KLF15: variants seen among roughly 807,000 people sequenced by gnomAD.
KLF15 encodes the protein Krueppel-like factor 15.
KLF15 carries 4 observed loss-of-function variants against 24.6 expected under a neutral mutation model. That is an observed-to-expected ratio of 0.16 (90% confidence interval 0.08 to 0.37). KLF15 has a LOEUF of 0.37. KLF15 is among the 10% of genes least tolerant of loss of function. The pLI is 1.00. For missense variants in KLF15, 496 were observed against 560.6 expected, an observed-to-expected ratio of 0.88 and a Z score of 1.16; for synonymous variants, 246 against 236.3, an observed-to-expected ratio of 1.04 and a Z score of -0.37.
chr3:126,345,203 C>T (rs957045162), intron 2 of KLF15, among the ~76,000 whole-genome samples: 10 of 152,206 alleles, frequency 6.6e-5, no homozygotes, highest in African/African-American at 2.4e-4. Context: ...ATTCTAGGCT[C>T]CTGTGGCATT....
the KLF15 span, among the ~76,000 whole-genome samples, chr3:126,304,206 C>T: frequency 1.5e-5 from 2 of 131,296 alleles, no homozygotes; most frequent in African/African-American, 5.1e-5. Context: ...TGTTCTGGTA[C>T]TCAGTTAAGT....
At position 126,342,881 on chromosome 3, in the gene KLF15, A is replaced by G. The variant is rs1322217556; in HGVS notation, c.*846T>C. ...AGCTAGTTCATTTATTAATTTCTAGACAAAATAAGGAATGCATTTCTAAAT... is the reference window on the plus strand; with the variant it reads ...AGCTAGTTCATTTATTAATTTCTAGGCAAAATAAGGAATGCATTTCTAAAT... On this transcript the variant is annotated 3_prime_UTR_variant, in exon 3 of 3. Transcript: ENST00000296233. 2.0e-5 allele frequency: 3 copies of G among 152,532 alleles called. No homozygotes were observed. The highest frequency in any genetic ancestry group is 4.4e-5 in the Non-Finnish European group (3 of 68,006). 9.4% of individuals were successfully genotyped at this position (152,532 alleles called of 1,614,324 possible). A position where few individuals can be genotyped will look rare whatever the true frequency, so the allele number is the denominator to read the frequency against.
chr3:126,346,429 A>G (rs986783881), intron 2 of KLF15, among the ~76,000 whole-genome samples: 1 of 152,160 alleles, frequency 6.6e-6, no homozygotes, highest in Admixed American at 6.5e-5. Flanking sequence ...CTGCCTTGAC[A>G]GTTCCCACCC....
At chr3:126,310,684 T>A in the KLF15 span, among the ~76,000 whole-genome samples, 2 of 152,142 alleles carry the variant, frequency 1.3e-5, no homozygotes. Flanking sequence ...CACATGGTCT[T>A]CCATCTGTGT....
At chr3:126,289,340 G>A in the KLF15 span, among the ~76,000 whole-genome samples, 1 of 152,202 alleles carries the variant, frequency 6.6e-6, no homozygotes, top group South Asian at 2.1e-4. Context: ...AATATTGCAA[G>A]AACTAAATGA....
chr3:126,314,498 C>A, the KLF15 span, among the ~76,000 whole-genome samples: 2 of 152,164 alleles, frequency 1.3e-5, no homozygotes, highest in African/African-American at 4.8e-5. Flanking sequence ...GGGCTCAGGG[C>A]TCCCACACAG....
At chr3:126,344,334 A>C (rs1576582564) in intron 2 of KLF15, among the ~76,000 whole-genome samples, 2 of 151,984 alleles carry the variant, frequency 1.3e-5, no homozygotes, top group African/African-American at 4.8e-5. Context: ...TGCTGGGATT[A>C]AAGGCGTGAG....
chr3:126,348,202 C>A (rs1252458512), intron 2 of KLF15, among the ~76,000 whole-genome samples: 4 of 152,208 alleles, frequency 2.6e-5, no homozygotes, highest in Non-Finnish European at 4.4e-5. Context: ...GAGAATTTAC[C>A]TAACTCTTCT....
At chr3:126,341,711 A>G (rs557875063), downstream of KLF15, among the ~76,000 whole-genome samples, 60 of 152,252 alleles carry the variant, frequency 3.9e-4, no homozygotes, top group African/African-American at 1.4e-3. Context: ...ACATTCAGAC[A>G]TCTCTCTGCT....
the KLF15 span, among the ~76,000 whole-genome samples, chr3:126,296,955 T>C: frequency 1.3e-5 from 2 of 152,214 alleles, no homozygotes; most frequent in Non-Finnish European, 2.9e-5. Flanking sequence ...TGTTTTGTTT[T>C]TTAGATGCAG....
At chr3:126,292,668 C>T in the KLF15 span, among the ~76,000 whole-genome samples, 1 of 151,904 alleles carries the variant, frequency 6.6e-6, no homozygotes, top group African/African-American at 2.4e-5. Context: ...GAAGGGAGAG[C>T]GAGCGAGCAG....
chr3:126,335,961 G>T, the KLF15 span, among the ~76,000 whole-genome samples: 4 of 149,476 alleles, frequency 2.7e-5, no homozygotes, highest in African/African-American at 1.0e-4. Flanking sequence ...CATGCTCATG[G>T]GCAGGAAGAA....
Position 126,343,702 on chromosome 3 carries a change from G to A in KLF15, c.*25C>T, listed in dbSNP as rs769540129. ...GGATGGGGTGGGGATCCGGGGTGAC[G>A]GACAGGCTGGGGTTCAGGGCGCTTT... is the stretch of plus-strand genomic sequence containing the variant. On this transcript the variant is annotated 3_prime_UTR_variant, in exon 3 of 3. Transcript: ENST00000296233. 21 of 1,596,474 alleles carry A rather than the reference G, an allele frequency of 1.3e-5. No individual in the cohort carries two copies. In the Admixed American group the frequency reaches 1.5e-4, roughly 11 times the overall value.
chr3:126,295,161 G>A, the KLF15 span, among the ~76,000 whole-genome samples: 3 of 152,080 alleles, frequency 2.0e-5, no homozygotes, highest in East Asian at 5.8e-4. Context: ...TGCTCATAAA[G>A]AACTACATAC....
chr3:126,320,335 A>T, the KLF15 span, among the ~76,000 whole-genome samples: 7 of 152,330 alleles, frequency 4.6e-5, no homozygotes, highest in Non-Finnish European at 8.8e-5. Context: ...TTAACACAAC[A>T]TGCCAGCCCA....
At chr3:126,308,588 G>T in the KLF15 span, among the ~76,000 whole-genome samples, 24,765 of 147,114 alleles carry the variant, frequency 0.17, 3,936 homozygotes, top group African/African-American at 0.46. Context: ...TCTGTCTGTG[G>T]AAGTCATGGC....
the KLF15 span, among the ~76,000 whole-genome samples, chr3:126,307,366 A>G: frequency 6.6e-6 from 1 of 152,174 alleles, no homozygotes; most frequent in Non-Finnish European, 1.5e-5. Context: ...TCCCTCTGGG[A>G]GGCGGACTGG....
the KLF15 span, among the ~76,000 whole-genome samples, chr3:126,320,038 T>C: frequency 6.6e-6 from 1 of 152,136 alleles, no homozygotes; most frequent in Non-Finnish European, 1.5e-5. Flanking sequence ...GGGATCAGTG[T>C]AGACCAGGCT....
At chr3:126,322,935 T>C in the KLF15 span, among the ~76,000 whole-genome samples, 5 of 152,062 alleles carry the variant, frequency 3.3e-5, no homozygotes, top group Admixed American at 3.3e-4. Flanking sequence ...GTAAAATTTA[T>C]GAAAATTTAA....
Sources: gnomAD v4.1 joint callset for allele counts (sites outside exome capture counted in the v4.1 genomes callset) on GRCh38, gnomAD v4.1.1 for gene constraint, MANE v1.5 for transcripts, NCBI Gene and HGNC (gene_info 2026-07-23, HGNC 2026-07-21) for gene names.